The following ST3GAL4 variants were observed in gnomAD, a reference collection of about 807,000 sequenced individuals.
ST3GAL4 encodes the protein ST3 beta-galactoside alpha-2,3-sialyltransferase 4.
In ST3GAL4, 24 loss-of-function variants were observed where a neutral mutation model predicts 42.6. That is an observed-to-expected ratio of 0.56 (90% confidence interval 0.41 to 0.79). The LOEUF is 0.79. Among genes scored for constraint, ST3GAL4 ranks in the 30% least tolerant of loss-of-function variants. ST3GAL4 has a pLI of 0.00. For synonymous variants in ST3GAL4, 135 were observed against 163.2 expected (o/e 0.83, Z 1.32); for missense variants, 311 against 430.8 (o/e 0.72, Z 2.46).
At chr11:126,374,781 G>A (rs1297412249) in intron 1 of ST3GAL4, among the ~76,000 whole-genome samples, 4 of 152,070 alleles carry the variant, frequency 2.6e-5, no homozygotes, top group South Asian at 4.2e-4. Flanking sequence ...ACAGATGACC[G>A]GTCTGTTCTT....
rs1355344313 is a variant in ST3GAL4, at chr11:126,398,024, T to G, written c.-60-8072T>G. Among the ~76,000 whole-genome samples the G allele has an allele frequency of 6.6e-6, 1 of 152,240 alleles. No homozygotes were observed. The highest frequency in any genetic ancestry group is 1.5e-5 in the Non-Finnish European group (1 of 68,046). On this transcript the variant is annotated intron_variant, in intron 1 of 10. Coordinates refer to ENST00000444328, the MANE Select transcript of ST3GAL4 (RefSeq NM_001254757.2). This position sits in a 1 kb window ranked among gnomAD's most constrained non-coding sequence, Gnocchi z 4.7. ...TCTGCCCCAGTCCCCAAAATGGATG[T>G]CCTTGTCACATGTAGAATACATTTG...
At position 126,371,163 on chromosome 11, in the gene ST3GAL4, C is replaced by CTTATTTTTTTTTTTTTTTTTTTTTTTTT. The variant is rs1555082244; in HGVS notation, c.-61+15323_-61+15324insATTTTTTTTTTTTTTTTTTTTTTTTTTT. 2.5e-4 allele frequency among the ~76,000 whole-genome samples: 15 copies of CTTATTTTTTTTTTTTTTTTTTTTTTTTT among 59,966 alleles called. 2 individuals are homozygous for CTTATTTTTTTTTTTTTTTTTTTTTTTTT. The highest frequency in any genetic ancestry group is 0.017 in the Middle Eastern group (1 of 58). The allele number at this position is 59,966 out of a possible 152,430, so 39.3% of individuals were successfully genotyped here. ...ATCTATTCTATTCTTCCCCACATTC[C>CTTATTTTTTTTTTTTTTTTTTTTTTTTT]TTTTTTTTTTTTTTTTTTTGAGATG... On this transcript the variant is annotated intron_variant, in intron 1 of 10. Coordinates refer to ENST00000444328, the MANE Select transcript of ST3GAL4 (RefSeq NM_001254757.2).
intron 1 of ST3GAL4, among the ~76,000 whole-genome samples, chr11:126,388,602 G>T (rs1953328481): frequency 6.6e-6 from 1 of 150,388 alleles, no homozygotes; most frequent in South Asian, 2.1e-4. Flanking sequence ...AGAATGCTGG[G>T]ATAATAGGTG....
chr11:126,382,654 G>A (rs558847628), intron 1 of ST3GAL4, among the ~76,000 whole-genome samples: 2 of 152,264 alleles, frequency 1.3e-5, no homozygotes, highest in South Asian at 2.1e-4. Context: ...CCCTGGCATC[G>A]CCTTCAGTTG....
Position 126,400,259 on chromosome 11 carries a change from G to C in ST3GAL4, c.-60-5837G>C, listed in dbSNP as rs1479968593. ...TTGCTGCATCATCCCATGGTGGAGA[G>C]TGGAATGGCAAGACAGATCAAGAGG... On this transcript the variant is annotated intron_variant, in intron 1 of 10. Transcript: ENST00000444328. This position sits in a 1 kb window ranked among gnomAD's most constrained non-coding sequence, Gnocchi z 4.6. Among the ~76,000 whole-genome samples the C allele has an allele frequency of 6.6e-6, 1 of 152,248 alleles. No homozygotes were observed. Among genetic ancestry groups the C allele is most frequent in the East Asian group, 1.9e-4 (1 of 5,198 alleles).
chr11:126,383,519 G>C lies in ST3GAL4; in HGVS notation c.-60-22577G>C, dbSNP rs1303855751. ...GGCTTGGGGGGGCCCTCAAGCCCCG[G>C]AAGCTGTATGTGGGCATGGGGGGCG... is the stretch of plus-strand genomic sequence containing the variant. On this transcript the variant is annotated intron_variant, in intron 1 of 10. Coordinates refer to ENST00000444328, the MANE Select transcript of ST3GAL4 (RefSeq NM_001254757.2). This position sits in a 1 kb window ranked among gnomAD's most constrained non-coding sequence, Gnocchi z 4.5. Among the ~76,000 whole-genome samples, 1 of 152,186 alleles carries C rather than the reference G, an allele frequency of 6.6e-6. No homozygotes were observed. Among genetic ancestry groups the C allele is most frequent in the Non-Finnish European group, 1.5e-5 (1 of 68,018 alleles).
chr11:126,362,248 A>C (rs1324321576), intron 1 of ST3GAL4, among the ~76,000 whole-genome samples: 1 of 133,878 alleles, frequency 7.5e-6, no homozygotes, highest in Non-Finnish European at 1.5e-5. Context: ...CCCAGGCTGG[A>C]GTGCAGTGGC....
rs1167378294 is a variant in ST3GAL4, at chr11:126,376,924, T to G, written c.-61+21082T>G. 1 of 152,202 alleles carries G rather than the reference T, an allele frequency of 6.6e-6. No homozygotes were observed. The highest frequency in any genetic ancestry group is 6.5e-5 in the Admixed American group (1 of 15,278). The allele number at this position is 152,202 out of a possible 1,614,324, so 9.4% of individuals were successfully genotyped here. ...ATCCTCATGGTAACTGTTTGATATT[T>G]GAGCAGCTGTTGGAAATCATTTAGA... On this transcript the variant is annotated intron_variant, in intron 1 of 10. Transcript: ENST00000444328. This position sits in a 1 kb window ranked among gnomAD's most constrained non-coding sequence, Gnocchi z 5.1.
rs1345664505 is a variant in ST3GAL4, at chr11:126,384,274, A to T, written c.-60-21822A>T. Reference sequence around the variant, plus strand: ...AGGTCTGCCGAGTGAGGCAGAGGAAAGGGGTTTCTGAGCCCAGATCTCCGG... The same window carrying T: ...AGGTCTGCCGAGTGAGGCAGAGGAATGGGGTTTCTGAGCCCAGATCTCCGG... On this transcript the variant is annotated intron_variant, in intron 1 of 10. Coordinates refer to ENST00000444328, the MANE Select transcript of ST3GAL4 (RefSeq NM_001254757.2). This position sits in a 1 kb window ranked among gnomAD's most constrained non-coding sequence, Gnocchi z 5.5. Among the ~76,000 whole-genome samples the T allele has an allele frequency of 3.3e-5, 5 of 152,136 alleles. No homozygotes were observed. The highest frequency in any genetic ancestry group is 5.9e-5 in the Non-Finnish European group (4 of 68,022).
chr11:126,408,094 GGC>G lies in ST3GAL4; in HGVS notation c.342-4_342-3del. 1 of 1,612,976 alleles carries G rather than the reference GGC, an allele frequency of 6.2e-7. No homozygotes were observed. The highest frequency in any genetic ancestry group is 2.2e-5 in the East Asian group (1 of 44,848). On this transcript the variant is annotated splice_polypyrimidine_tract_variant and splice_region_variant and intron_variant, in intron 6 of 10. Coordinates refer to ENST00000444328, the MANE Select transcript of ST3GAL4 (RefSeq NM_001254757.2). ...TGACATAGACCACTCCTCTTTCTAT[GGC>G]AGCCTCAGGTGCCGCCGCTGTGTGG...
At chr11:126,371,005 T>G (rs1192439661) in intron 1 of ST3GAL4, among the ~76,000 whole-genome samples, 1 of 151,646 alleles carries the variant, frequency 6.6e-6, no homozygotes, top group Non-Finnish European at 1.5e-5. Context: ...TTCAAATATG[T>G]AAAAATTAAT....
In ST3GAL4 at chr11:126,391,376, T is replaced by A. The variant is rs1272789956; in HGVS notation, c.-60-14720T>A. Among the ~76,000 whole-genome samples, 1 of 152,138 alleles carries A rather than the reference T, an allele frequency of 6.6e-6. No individual in the cohort carries two copies. The highest frequency in any genetic ancestry group is 2.4e-5 in the African/African-American group (1 of 41,430). On this transcript the variant is annotated intron_variant, in intron 1 of 10. Coordinates refer to ENST00000444328, the MANE Select transcript of ST3GAL4 (RefSeq NM_001254757.2). This position sits in a 1 kb window ranked among gnomAD's most constrained non-coding sequence, Gnocchi z 5.5. The stretch of plus-strand genomic sequence containing the variant: ...ATGTCTTGAGCACTTAGCAACCTTG[T>A]GCCTGCTGAGTGGTGGAACAGTTCT...
intron 1 of ST3GAL4, among the ~76,000 whole-genome samples, chr11:126,372,256 T>C (rs1591430182): frequency 6.6e-6 from 1 of 152,210 alleles, no homozygotes; most frequent in South Asian, 2.1e-4. Context: ...CCATTCTGCT[T>C]TCTGTGTCTA....
At chr11:126,360,984 C>CA (rs1230941973) in intron 1 of ST3GAL4, among the ~76,000 whole-genome samples, 6 of 152,222 alleles carry the variant, frequency 3.9e-5, no homozygotes, top group African/African-American at 1.4e-4. Flanking sequence ...GTTCAGACCT[C>CA]AGAGAGGCAG....
intron 1 of ST3GAL4, chr11:126,403,152 C>G (rs1421884620): frequency 6.4e-6 from 1 of 156,994 alleles, no homozygotes; most frequent in Non-Finnish European, 1.4e-5. Flanking sequence ...CTCAGCCCCA[C>G]AAGGGGAGGG....
At position 126,366,117 on chromosome 11, in the gene ST3GAL4, C is replaced by T. The variant is rs1357074216; in HGVS notation, c.-61+10275C>T. Among the ~76,000 whole-genome samples the T allele has an allele frequency of 6.6e-6, 1 of 152,216 alleles. No homozygotes were observed. The highest frequency in any genetic ancestry group is 1.5e-5 in the Non-Finnish European group (1 of 68,030). ...TGAGGGCTGGCACAGCCACTCCCTG[C>T]CCCTTAGAGGCTCCGGGCTGCCTGG... is the stretch of plus-strand genomic sequence containing the variant. On this transcript the variant is annotated intron_variant, in intron 1 of 10. Transcript: ENST00000444328. This position sits in a 1 kb window ranked among gnomAD's most constrained non-coding sequence, Gnocchi z 4.2.
At position 126,373,857 on chromosome 11, in the gene ST3GAL4, A is replaced by T. The variant is rs1952740236; in HGVS notation, c.-61+18015A>T. Among the ~76,000 whole-genome samples, 1 of 151,936 alleles carries T rather than the reference A, an allele frequency of 6.6e-6. No homozygotes were observed. The highest frequency in any genetic ancestry group is 1.5e-5 in the Non-Finnish European group (1 of 67,990). ...CGTGCTGTGATCACAGTGTTCAATG[A>T]TGGGGTGAGGCTGCAGCGTCCAGCC... On this transcript the variant is annotated intron_variant, in intron 1 of 10. Transcript: ENST00000444328. The surrounding 1 kb of genome is among the most constrained non-coding windows in gnomAD (Gnocchi z 5.5).
chr11:126,364,891 C>T (rs576444715), intron 1 of ST3GAL4, among the ~76,000 whole-genome samples: 3 of 151,568 alleles, frequency 2.0e-5, no homozygotes, highest in East Asian at 2.0e-4. Context: ...TCCTGAGCAT[C>T]GCTGACCCTG....
chr11:126,391,953 GTGTGTGTGTGTGTGTGTGTA>G lies in ST3GAL4; in HGVS notation c.-60-14133_-60-14114del, dbSNP rs1413743495. 2.2e-5 allele frequency among the ~76,000 whole-genome samples: 3 copies of G among 137,688 alleles called. No homozygotes were observed. Among genetic ancestry groups the G allele is most frequent in the African/African-American group, 5.7e-5 (2 of 35,038 alleles). 90.3% of individuals were successfully genotyped at this position (137,688 alleles called of 152,430 possible). ...AACTTGGTCGTGTGTGTGTGTGTGT[GTGTGTGTGTGTGTGTGTGTA>G]TGTGTGTGTATGTGTATATATAAAA... is the stretch of plus-strand genomic sequence containing the variant. On this transcript the variant is annotated intron_variant, in intron 1 of 10. Coordinates refer to ENST00000444328, the MANE Select transcript of ST3GAL4 (RefSeq NM_001254757.2). The surrounding 1 kb of genome is among the most constrained non-coding windows in gnomAD (Gnocchi z 5.5).
Sources: allele counts gnomAD v4.1 joint callset (sites outside exome capture counted in the v4.1 genomes callset), GRCh38; gene constraint gnomAD v4.1.1; non-coding constraint Gnocchi (gnomAD v3.1); transcripts MANE v1.5; gene names NCBI Gene and HGNC (gene_info 2026-07-23, HGNC 2026-07-21).